PPARA: variants seen among roughly 807,000 people sequenced by gnomAD.
The protein encoded by PPARA is peroxisome proliferator-activated receptor alpha.
Under a neutral mutation model 42.2 loss-of-function variants are expected in PPARA, and 22 were observed. The observed-to-expected ratio is 0.52, with a 90% CI of 0.37 to 0.74. The LOEUF (loss-of-function observed/expected upper bound fraction) is 0.74. PPARA is among the 30% of genes least tolerant of loss of function. The pLI, the probability that PPARA is intolerant of heterozygous loss-of-function variation, is 0.00. For missense variants in PPARA, 465 were observed against 608.2 expected (o/e 0.76, Z 2.48); for synonymous variants, 242 against 239.3 (o/e 1.01, Z -0.10).
chr22:46,198,024 G>A (rs887970050), intron 3 of PPARA, among the ~76,000 whole-genome samples: 4 of 151,250 alleles, frequency 2.6e-5, no homozygotes, highest in Admixed American at 6.6e-5. Flanking sequence ...GAGCTCAGGA[G>A]ATCGAGACCA....
chr22:46,191,943 T>C lies in PPARA; in HGVS notation c.-42-6399T>C, dbSNP rs896501455. 4.6e-5 allele frequency among the ~76,000 whole-genome samples: 7 copies of C among 152,140 alleles called. No individual in the cohort carries two copies. The highest frequency in any genetic ancestry group is 8.8e-5 in the Non-Finnish European group (6 of 68,032). On this transcript the variant is annotated intron_variant, in intron 3 of 8. Transcript: ENST00000407236. This position sits in a 1 kb window ranked among gnomAD's most constrained non-coding sequence, Gnocchi z 4.6. ...AGCCGGGCGTGGTGGCGCACGCCCG[T>C]AGTCCCAGCTACTCAGGAGGCTGAG...
chr22:46,236,906 C>A lies in PPARA; in HGVS notation c.*1526C>A, dbSNP rs1175219464. 1 of 152,114 alleles carries A rather than the reference C, an allele frequency of 6.6e-6. No individual in the cohort carries two copies. Among genetic ancestry groups the A allele is most frequent in the Non-Finnish European group, 1.5e-5 (1 of 68,020 alleles). 9.4% of individuals were successfully genotyped at this position (152,114 alleles called of 1,614,324 possible). ...AAATTTTTGTTTTAGCCTTCAAAAC[C>A]AACTTACCAACCTCAGTCCAGCTGG... On this transcript the variant is annotated 3_prime_UTR_variant, in exon 9 of 9. Transcript: ENST00000407236. The surrounding 1 kb of genome is among the most constrained non-coding windows in gnomAD (Gnocchi z 5.2).
In PPARA at chr22:46,212,183, A is replaced by C. The variant is rs1315743603; in HGVS notation, c.209-2990A>C. On this transcript the variant is annotated intron_variant, in intron 4 of 8. Coordinates refer to ENST00000407236, the MANE Select transcript of PPARA (RefSeq NM_005036.6). The surrounding 1 kb of genome is among the most constrained non-coding windows in gnomAD (Gnocchi z 4.2). ...GTGATCCTCCCACCTCAGCCTCCCA[A>C]GTAGCTGGGATTACAGGTGCACACC... Among the ~76,000 whole-genome samples the C allele has an allele frequency of 6.6e-6, 1 of 152,018 alleles. No homozygotes were observed. Among genetic ancestry groups the C allele is most frequent in the Non-Finnish European group, 1.5e-5 (1 of 68,002 alleles).
chr22:46,178,683 T>A (rs1289787723), intron 3 of PPARA, among the ~76,000 whole-genome samples: 1 of 152,082 alleles, frequency 6.6e-6, no homozygotes, highest in Non-Finnish European at 1.5e-5. Context: ...AAAAGAACCA[T>A]CTGAGAGGAT....
Position 46,159,404 on chromosome 22 carries a change from G to A in PPARA, c.-127+7434G>A, listed in dbSNP as rs373895684. ...GCAGCGTATTTTGCTTGAGTTGTAC[G>A]ATTGTCGTTTTTTTCCCCCCACTTT... is the stretch of plus-strand genomic sequence containing the variant. On this transcript the variant is annotated intron_variant, in intron 2 of 8. Coordinates refer to ENST00000407236, the MANE Select transcript of PPARA (RefSeq NM_005036.6). Among the ~76,000 whole-genome samples, 15 of 152,150 alleles carry A rather than the reference G, an allele frequency of 9.9e-5. 1 individual carries two copies. Among genetic ancestry groups the A allele is most frequent in the East Asian group, 7.7e-4 (4 of 5,200 alleles).
At position 46,182,119 on chromosome 22, in the gene PPARA, T is replaced by C. The variant is rs1930053844; in HGVS notation, c.-43+5283T>C. Among the ~76,000 whole-genome samples, 1 of 152,246 alleles carries C rather than the reference T, an allele frequency of 6.6e-6. No individual in the cohort carries two copies. Among genetic ancestry groups the C allele is most frequent in the South Asian group, 2.1e-4 (1 of 4,838 alleles). ...CCTTGGCCTCCCAAAGTGCTGGGAT[T>C]ACAGGTGTGAACCACCATGCCCAGC... is the stretch of plus-strand genomic sequence containing the variant. On this transcript the variant is annotated intron_variant, in intron 3 of 8. Transcript: ENST00000407236. The surrounding 1 kb of genome is among the most constrained non-coding windows in gnomAD (Gnocchi z 5.2).
rs923033331 is a variant in PPARA at position 46,169,623 on chromosome 22, A to G, written c.-126-7130A>G. 3.3e-5 allele frequency among the ~76,000 whole-genome samples: 5 copies of G among 152,008 alleles called. 1 individual carries two copies. The Admixed American group carries it at 3.3e-4, about 10-fold the overall frequency. On this transcript the variant is annotated intron_variant, in intron 2 of 8. Transcript: ENST00000407236. ...TGTACTTTCCACTCAATTTTTCTGTAAGCCCAAAACTTCTCTAAATAAGAA... is the reference window on the plus strand; with the variant it reads ...TGTACTTTCCACTCAATTTTTCTGTGAGCCCAAAACTTCTCTAAATAAGAA...
Position 46,235,111 on chromosome 22 carries a change from C to G in PPARA, c.1160-22C>G. 1.2e-6 allele frequency: 2 copies of G among 1,613,956 alleles called. No individual in the cohort carries two copies. Among genetic ancestry groups the G allele is most frequent in the Non-Finnish European group, 1.7e-6 (2 of 1,179,856 alleles). ...TTGGGTGATTATCACACTCAAACCT[C>G]TCTCTCTTCTTTCGAGACTAGATCG... is the stretch of plus-strand genomic sequence containing the variant. On this transcript the variant is annotated intron_variant, in intron 8 of 8. Transcript: ENST00000407236. This position sits in a 1 kb window ranked among gnomAD's most constrained non-coding sequence, Gnocchi z 7.0.
chr22:46,169,791 A>G (rs888597370), intron 2 of PPARA, among the ~76,000 whole-genome samples: 4 of 152,052 alleles, frequency 2.6e-5, no homozygotes, highest in African/African-American at 9.6e-5. Flanking sequence ...TGGATATACT[A>G]TGTTCATGGA....
In PPARA at chr22:46,235,293, T is replaced by C. The variant is rs568143871; in HGVS notation, c.1320T>C (p.His440=). The C allele has an allele frequency of 4.3e-6, 7 of 1,614,096 alleles. No individual in the cohort carries two copies. The East Asian group carries it at 8.9e-5, about 21-fold the overall frequency. ...ACCTCCGGCAGCTGGTGACGGAGCATGCGCAGCTGGTGCAGATCATCAAGA... is the reference window on the plus strand; with the variant it reads ...ACCTCCGGCAGCTGGTGACGGAGCACGCGCAGCTGGTGCAGATCATCAAGA... The part of the protein sequence containing the change: ...MADLRQLVTE[H]AQLVQIIKKT... The change falls in exon 9 of 9, where the codon CAT becomes CAC. Residue 440 remains histidine, a synonymous_variant. Coordinates refer to ENST00000407236, the MANE Select transcript of PPARA (RefSeq NM_005036.6). This position sits in a 1 kb window ranked among gnomAD's most constrained non-coding sequence, Gnocchi z 7.0.
At chr22:46,229,628 G>A (rs1248639188) in intron 7 of PPARA, among the ~76,000 whole-genome samples, 1 of 151,986 alleles carries the variant, frequency 6.6e-6, no homozygotes, top group African/African-American at 2.4e-5. Flanking sequence ...TCAGCTTTCT[G>A]TGAAGCAGAA....
In PPARA at chr22:46,200,767, C is replaced by T. The variant is rs1441074070; in HGVS notation, c.208+2176C>T. On this transcript the variant is annotated intron_variant, in intron 4 of 8. Coordinates refer to ENST00000407236, the MANE Select transcript of PPARA (RefSeq NM_005036.6). The surrounding 1 kb of genome is among the most constrained non-coding windows in gnomAD (Gnocchi z 4.8). The stretch of plus-strand genomic sequence containing the variant: ...CCCATCTCTACTAAAGAATACAAAA[C>T]ATTAGCTGGGAGTGGTGGCAGGTGC... 1.3e-5 allele frequency among the ~76,000 whole-genome samples: 2 copies of T among 151,082 alleles called. No homozygotes were observed. Among genetic ancestry groups the T allele is most frequent in the African/African-American group, 4.9e-5 (2 of 41,048 alleles).
chr22:46,171,732 A>C lies in PPARA; in HGVS notation c.-126-5021A>C, dbSNP rs190215527. Among the ~76,000 whole-genome samples the C allele has an allele frequency of 2.7e-3, 413 of 152,166 alleles. 1 individual carries two copies. Among genetic ancestry groups the C allele is most frequent in the Middle Eastern group, 3.4e-3 (1 of 294 alleles). On this transcript the variant is annotated intron_variant, in intron 2 of 8. Transcript: ENST00000407236. The surrounding 1 kb of genome is among the most constrained non-coding windows in gnomAD (Gnocchi z 5.0). ...CCTGGAGAGGAGGAGGAGGAGAAAG[A>C]GGTCAGGAGGTCCCAGGGGAGAGGC...
chr22:46,157,045 C>A (rs1374798206), intron 2 of PPARA, among the ~76,000 whole-genome samples: 2 of 152,172 alleles, frequency 1.3e-5, no homozygotes, highest in Admixed American at 1.3e-4. Context: ...CCCAGTGAAT[C>A]TCCCCATGCC....
rs1240193810 is a variant in PPARA, at chr22:46,190,730, A to G, written c.-42-7612A>G. Among the ~76,000 whole-genome samples the G allele has an allele frequency of 6.6e-6, 1 of 152,200 alleles. No individual in the cohort carries two copies. Among genetic ancestry groups the G allele is most frequent in the East Asian group, 1.9e-4 (1 of 5,194 alleles). On this transcript the variant is annotated intron_variant, in intron 3 of 8. Transcript: ENST00000407236. This position sits in a 1 kb window ranked among gnomAD's most constrained non-coding sequence, Gnocchi z 5.6. ...TTGCCATTGCACTCCAGCCTGAGTG[A>G]CAGAGAGAGACTCTGTCTCAAAAAT...
intron 2 of PPARA, among the ~76,000 whole-genome samples, chr22:46,157,788 T>C (rs746138307): frequency 1.3e-5 from 2 of 152,072 alleles, no homozygotes; most frequent in African/African-American, 4.8e-5. Flanking sequence ...CCAGGAGAAA[T>C]TGGAGAAAAC....
Position 46,235,263 on chromosome 22 carries a change from G to T in PPARA, c.1290G>T (p.Met430Ile). ...IFLFPKLLQKMADLRQLVTEH... is the reference protein window; with the variant it reads ...IFLFPKLLQKIADLRQLVTEH... Reference sequence around the variant, plus strand: ...TCTTCCCAAAACTTCTTCAAAAAATGGCAGACCTCCGGCAGCTGGTGACGG... The same window carrying T: ...TCTTCCCAAAACTTCTTCAAAAAATTGCAGACCTCCGGCAGCTGGTGACGG... The change falls in exon 9 of 9, where the codon ATG becomes ATT. Residue 430 changes from methionine to isoleucine, a missense_variant. This residue lies in a region of PPARA where 313 missense variants were observed against 469.1 expected (regional missense o/e 0.67). Transcript: ENST00000407236. This position sits in a 1 kb window ranked among gnomAD's most constrained non-coding sequence, Gnocchi z 7.0. 6.2e-7 allele frequency: 1 copy of T among 1,614,070 alleles called. No homozygotes were observed. Among genetic ancestry groups the T allele is most frequent in the Non-Finnish European group, 8.5e-7 (1 of 1,180,030 alleles).
intron 4 of PPARA, among the ~76,000 whole-genome samples, chr22:46,199,244 G>A (rs926493744): frequency 1.3e-5 from 2 of 152,206 alleles, no homozygotes; most frequent in Non-Finnish European, 2.9e-5. Context: ...CTGTTGGTAA[G>A]AGGGAAGGAT....
intron 3 of PPARA, among the ~76,000 whole-genome samples, chr22:46,197,026 TTTTG>T (rs1932324569): frequency 6.8e-6 from 1 of 147,910 alleles, no homozygotes; most frequent in African/African-American, 2.5e-5. Context: ...CGACCCTGTT[TTTTG>T]TTTGGTTTTG....
Sources: allele counts gnomAD v4.1 joint callset (sites outside exome capture counted in the v4.1 genomes callset), GRCh38; gene constraint gnomAD v4.1.1; regional missense constraint gnomAD v4.1.1; non-coding constraint Gnocchi (gnomAD v3.1); transcripts MANE v1.5; gene names NCBI Gene and HGNC (gene_info 2026-07-23, HGNC 2026-07-21).